FOXN3: variants seen among roughly 807,000 people sequenced by gnomAD.
FOXN3 encodes forkhead box protein N3.
Under a neutral mutation model 38.4 loss-of-function variants are expected in FOXN3, and 7 were observed. The observed-to-expected ratio is 0.18, with a 90% confidence interval of 0.10 to 0.34. The LOEUF is 0.34. FOXN3 is among the 10% of genes least tolerant of loss of function. The pLI is 1.00. For missense variants in FOXN3, 456 were observed against 613.4 expected, an observed-to-expected ratio of 0.74 and a Z score of 2.71; for synonymous variants, 230 against 242.2, an observed-to-expected ratio of 0.95 and a Z score of 0.47.
intron 1 of FOXN3, among the ~76,000 whole-genome samples, chr14:89,450,102 A>G (rs1029772191): frequency 6.6e-6 from 1 of 151,988 alleles, no homozygotes; most frequent in African/African-American, 2.4e-5. Context: ...TCCATTTTCT[A>G]CTCTGTAGGG....
intron 4 of FOXN3, among the ~76,000 whole-genome samples, chr14:89,208,299 C>T (rs985332965): frequency 1.3e-5 from 2 of 152,180 alleles, no homozygotes; most frequent in African/African-American, 4.8e-5. Flanking sequence ...GTCAGGCATC[C>T]GCGCTTATTC....
intron 1 of FOXN3, among the ~76,000 whole-genome samples, chr14:89,413,267 G>A (rs909459252): frequency 6.6e-6 from 1 of 152,132 alleles, no homozygotes; most frequent in Non-Finnish European, 1.5e-5. Flanking sequence ...AAAACAATAT[G>A]CTTGGTTTAA....
chr14:89,333,966 GTATATATATA>G (rs71130055), intron 3 of FOXN3, among the ~76,000 whole-genome samples: 3,320 of 131,072 alleles, frequency 0.025, 42 homozygotes, highest in East Asian at 0.049. Context: ...AATGTGGTGT[GTATATATATA>G]TATATATATA....
At chr14:89,564,201 A>C (rs1895303238) in intron 1 of FOXN3, among the ~76,000 whole-genome samples, 1 of 152,156 alleles carries the variant, frequency 6.6e-6, no homozygotes, top group African/African-American at 2.4e-5. Flanking sequence ...ATAATAGTTA[A>C]GGAGAAAGGA....
intron 1 of FOXN3, among the ~76,000 whole-genome samples, chr14:89,561,480 G>A (rs1895247294): frequency 6.6e-6 from 1 of 152,218 alleles, no homozygotes; most frequent in Non-Finnish European, 1.5e-5. Context: ...CCAAAGTGCT[G>A]GGATTACAGG....
At chr14:89,511,882 G>T (rs998233440) in intron 1 of FOXN3, among the ~76,000 whole-genome samples, 5 of 152,234 alleles carry the variant, frequency 3.3e-5, no homozygotes, top group African/African-American at 1.2e-4. Flanking sequence ...AGCAAAGGAG[G>T]AAGCCTCTTA....
chr14:89,227,831 G>A (rs1884688849), intron 4 of FOXN3, among the ~76,000 whole-genome samples: 1 of 152,234 alleles, frequency 6.6e-6, no homozygotes, highest in Admixed American at 6.5e-5. Context: ...ACGGCCCCCA[G>A]CTGATAGCCA....
chr14:89,528,277 A>G (rs1049535462), intron 1 of FOXN3, among the ~76,000 whole-genome samples: 57 of 151,960 alleles, frequency 3.8e-4, no homozygotes, highest in Non-Finnish European at 2.8e-4. Flanking sequence ...GTTCTTCAAA[A>G]GGTAAATGGA....
chr14:89,271,236 T>C (rs1886143582), intron 4 of FOXN3, among the ~76,000 whole-genome samples: 2 of 152,220 alleles, frequency 1.3e-5, no homozygotes, highest in Admixed American at 6.5e-5. Flanking sequence ...CAGAATATAT[T>C]CTAAAGAGTT....
intron 1 of FOXN3, among the ~76,000 whole-genome samples, chr14:89,441,801 G>A (rs1892389773): frequency 6.6e-6 from 1 of 152,156 alleles, no homozygotes. Flanking sequence ...GGTCCCTATG[G>A]ATTCCACACA....
chr14:89,460,133 C>T (rs1014040146), intron 1 of FOXN3, among the ~76,000 whole-genome samples: 4 of 152,178 alleles, frequency 2.6e-5, no homozygotes, highest in African/African-American at 9.7e-5. Context: ...CTTTTTCTTG[C>T]ATTTTGTTGT....
At chr14:89,346,718 G>T (rs1009060822) in intron 3 of FOXN3, among the ~76,000 whole-genome samples, 1 of 152,106 alleles carries the variant, frequency 6.6e-6, no homozygotes, top group Non-Finnish European at 1.5e-5. Flanking sequence ...TTAGAAGTAG[G>T]TCATTAAGTG....
intron 4 of FOXN3, among the ~76,000 whole-genome samples, chr14:89,264,459 G>T (rs1370942201): frequency 6.6e-6 from 1 of 152,076 alleles, no homozygotes; most frequent in African/African-American, 2.4e-5. Flanking sequence ...CTCCCATGGG[G>T]TCCCTTCCCA....
At chr14:89,398,642 G>A (rs1362939737) in intron 2 of FOXN3, among the ~76,000 whole-genome samples, 1 of 152,074 alleles carries the variant, frequency 6.6e-6, no homozygotes, top group African/African-American at 2.4e-5. Context: ...AGGGGACAGA[G>A]GGAAAAAGAA....
chr14:89,271,956 C>T (rs1383360501), intron 4 of FOXN3, among the ~76,000 whole-genome samples: 2 of 152,182 alleles, frequency 1.3e-5, no homozygotes, highest in Non-Finnish European at 2.9e-5. Flanking sequence ...TTGCTTCAGG[C>T]CTTGTTTCTC....
In FOXN3 at chr14:89,213,262, G is replaced by A. The variant is rs567228892; in HGVS notation, c.746-32456C>T. 3.4e-4 allele frequency among the ~76,000 whole-genome samples: 52 copies of A among 152,332 alleles called. 1 individual carries two copies. In the South Asian group the frequency reaches 8.1e-3, roughly 24 times the overall value. On this transcript the variant is annotated intron_variant, in intron 4 of 5. Transcript: ENST00000557258. Reference sequence around the variant, plus strand: ...AGGGCCTCATAAGAAAAGGGTATCTGTGGAACCTTCGTAACTACATTAAAT... The same window carrying A: ...AGGGCCTCATAAGAAAAGGGTATCTATGGAACCTTCGTAACTACATTAAAT...
intron 3 of FOXN3, among the ~76,000 whole-genome samples, chr14:89,289,681 T>C (rs756029811): frequency 4.2e-4 from 64 of 152,230 alleles, no homozygotes; most frequent in Non-Finnish European, 2.6e-4. Context: ...TAATATGAAA[T>C]GTTCTTACAT....
chr14:89,306,528 G>A (rs755440971), intron 3 of FOXN3, among the ~76,000 whole-genome samples: 3 of 152,042 alleles, frequency 2.0e-5, no homozygotes, highest in Non-Finnish European at 2.9e-5. Context: ...CACCACGCCC[G>A]GCTAATTTTT....
intron 4 of FOXN3, among the ~76,000 whole-genome samples, chr14:89,238,737 T>A (rs530215070): frequency 1.3e-5 from 2 of 152,324 alleles, no homozygotes; most frequent in Admixed American, 1.3e-4. Flanking sequence ...CTGGGTGCCT[T>A]TCAGTTAGTG....
Sources: gnomAD v4.1 joint callset for allele counts (sites outside exome capture counted in the v4.1 genomes callset) on GRCh38, gnomAD v4.1.1 for gene constraint, MANE v1.5 for transcripts, NCBI Gene and HGNC (gene_info 2026-07-23, HGNC 2026-07-21) for gene names.